The following PPAT variants were observed in gnomAD, a reference collection of about 807,000 sequenced individuals.
The protein encoded by PPAT is amidophosphoribosyltransferase.
A neutral mutation model predicts 60.2 loss-of-function variants in PPAT; 20 were observed. That is an observed-to-expected ratio of 0.33 (90% CI 0.23 to 0.48). The LOEUF (loss-of-function observed/expected upper bound fraction) is 0.48, where lower values mean the gene tolerates loss of function less well. Ranked by LOEUF, PPAT falls within the 20% of genes least tolerant of loss-of-function variation. The pLI is 0.99. For synonymous variants in PPAT, 194 were observed against 215.1 expected, an observed-to-expected ratio of 0.90 and a Z score of 0.86; for missense variants, 349 against 629.6, an observed-to-expected ratio of 0.55 and a Z score of 4.77.
At chr4:56,425,127 A>G (rs1229789236) in intron 1 of PPAT, among the ~76,000 whole-genome samples, 1 of 152,208 alleles carries the variant, frequency 6.6e-6, no homozygotes, top group Non-Finnish European at 1.5e-5. Flanking sequence ...AGCAGGGGGC[A>G]TTAAGGAATC....
intron 3 of PPAT, among the ~76,000 whole-genome samples, chr4:56,405,913 T>C (rs1181600839): frequency 3.3e-5 from 5 of 152,218 alleles, no homozygotes; most frequent in African/African-American, 2.4e-5. Context: ...GGCCTGGACT[T>C]GCAACTGGCA....
chr4:56,434,994 G>A (rs944261968), intron 1 of PPAT, among the ~76,000 whole-genome samples: 2 of 152,182 alleles, frequency 1.3e-5, no homozygotes, highest in Non-Finnish European at 1.5e-5. Context: ...CAGGCTCCGG[G>A]AGACTAGAAC....
Position 56,396,828 on chromosome 4 carries a change from T to TG in PPAT, c.1237-90_1237-89insC. ...TACAATACAAAATTGTTTTGCAGAA[T>TG]ATTCAGTAACAACATATGGGTAATA... On this transcript the variant is annotated intron_variant, in intron 9 of 10. Coordinates refer to ENST00000264220, the MANE Select transcript of PPAT (RefSeq NM_002703.5). This position sits in a 1 kb window ranked among gnomAD's most constrained non-coding sequence, Gnocchi z 4.6. The TG allele has an allele frequency of 7.4e-7, 1 of 1,346,342 alleles. No homozygotes were observed. Among genetic ancestry groups the TG allele is most frequent in the Non-Finnish European group, 1.0e-6 (1 of 990,796 alleles). 83.4% of individuals were successfully genotyped at this position (1,346,342 alleles called of 1,614,324 possible). A position where few individuals can be genotyped will look rare whatever the true frequency, so the allele number is the denominator to read the frequency against.
chr4:56,404,119 C>T (rs1375387134), intron 3 of PPAT: 1 of 369,792 alleles, frequency 2.7e-6, no homozygotes, highest in East Asian at 7.6e-5. Flanking sequence ...AATAGGAAAT[C>T]TAGAAGATTT....
intron 1 of PPAT, among the ~76,000 whole-genome samples, chr4:56,410,311 A>G (rs187003864): frequency 6.6e-6 from 1 of 152,348 alleles, no homozygotes; most frequent in African/African-American, 2.4e-5. Flanking sequence ...CTGAAATGAT[A>G]TAGTTAAGAA....
At chr4:56,398,654 C>T (rs534958185) in intron 9 of PPAT, among the ~76,000 whole-genome samples, 1 of 151,764 alleles carries the variant, frequency 6.6e-6, no homozygotes, top group Non-Finnish European at 1.5e-5. Flanking sequence ...TTCACTATGT[C>T]GTCCAGGCTG....
At chr4:56,433,933 G>T (rs979389148) in intron 1 of PPAT, among the ~76,000 whole-genome samples, 2 of 152,050 alleles carry the variant, frequency 1.3e-5, no homozygotes, top group African/African-American at 4.8e-5. Flanking sequence ...CTCGTGATCC[G>T]CCCGCCTCGG....
At chr4:56,428,945 T>C (rs1717433853) in intron 1 of PPAT, 3 of 954,472 alleles carry the variant, frequency 3.1e-6, no homozygotes, top group Non-Finnish European at 2.5e-6. Context: ...TTAAGAATTA[T>C]TTGAAGGTCA....
At position 56,396,744 on chromosome 4, in the gene PPAT, G is replaced by C. The variant is rs1406269457; in HGVS notation, c.1237-5C>G. 5.6e-6 allele frequency: 9 copies of C among 1,605,634 alleles called. No individual in the cohort carries two copies. Among genetic ancestry groups the C allele is most frequent in the African/African-American group, 1.3e-5 (1 of 74,392 alleles). ...TGAAGCTACTCGAATGTGTACCTTG[G>C]AAAGAAATCATTGCACACAAGGTTT... is the stretch of plus-strand genomic sequence containing the variant. On this transcript the variant is annotated splice_polypyrimidine_tract_variant and splice_region_variant and intron_variant, in intron 9 of 10. Transcript: ENST00000264220. This position sits in a 1 kb window ranked among gnomAD's most constrained non-coding sequence, Gnocchi z 4.6.
intron 1 of PPAT, among the ~76,000 whole-genome samples, chr4:56,430,529 T>C (rs1322950885): frequency 6.6e-6 from 1 of 152,164 alleles, no homozygotes; most frequent in Non-Finnish European, 1.5e-5. Flanking sequence ...TTCCTATTTG[T>C]TGAGCTTCTG....
In PPAT at chr4:56,406,653, AT is replaced by A; in HGVS notation, c.243del (p.Lys81AsnfsTer22). 6.2e-7 allele frequency: 1 copy of A among 1,613,040 alleles called. No individual in the cohort carries two copies. Among genetic ancestry groups the A allele is most frequent in the Non-Finnish European group, 8.5e-7 (1 of 1,179,110 alleles). On this transcript the variant is annotated frameshift_variant, in exon 3 of 11. Coordinates refer to ENST00000264220, the MANE Select transcript of PPAT (RefSeq NM_002703.5). LOFTEE classifies it high-confidence loss of function. The part of the protein sequence containing the change: ...NHVFTEDNLK[K>X]LYVSNLGIGH... ...CCAATTCCAAGATTTGAAACATATA[AT>A]TTTTTCAAATTGTCTTCAGTAAAGA...
intron 3 of PPAT, chr4:56,404,073 T>C (rs1350677155): frequency 2.3e-6 from 1 of 440,774 alleles, no homozygotes; most frequent in African/African-American, 2.0e-5. Context: ...GCTAATAGTA[T>C]GTATATACTA....
intron 1 of PPAT, among the ~76,000 whole-genome samples, chr4:56,425,631 C>G (rs954271749): frequency 6.6e-6 from 1 of 152,170 alleles, no homozygotes; most frequent in Non-Finnish European, 1.5e-5. Flanking sequence ...TTGGAACTTC[C>G]AGAGACAGAG....
chr4:56,428,462 C>A (rs1430441886), intron 1 of PPAT, among the ~76,000 whole-genome samples: 1 of 151,966 alleles, frequency 6.6e-6, no homozygotes, highest in Admixed American at 6.6e-5. Context: ...AGACCGGAAA[C>A]AATGTCATAC....
intron 1 of PPAT, among the ~76,000 whole-genome samples, chr4:56,415,927 G>A (rs1716706410): frequency 6.6e-6 from 1 of 152,024 alleles, no homozygotes; most frequent in Non-Finnish European, 1.5e-5. Context: ...AAAATTAGCC[G>A]GGCGTGGTGG....
Position 56,396,847 on chromosome 4 carries a change from G to T in PPAT, c.1237-108C>A. ...GCAGAATATTCAGTAACAACATATG[G>T]GTAATAAATTATTCTTTCTACAAAG... On this transcript the variant is annotated intron_variant, in intron 9 of 10. Coordinates refer to ENST00000264220, the MANE Select transcript of PPAT (RefSeq NM_002703.5). The surrounding 1 kb of genome is among the most constrained non-coding windows in gnomAD (Gnocchi z 4.6). The T allele has an allele frequency of 3.7e-6, 4 of 1,071,286 alleles. No individual in the cohort carries two copies. The highest frequency in any genetic ancestry group is 4.2e-5 in the South Asian group (2 of 47,582). 66.4% of individuals were successfully genotyped at this position (1,071,286 alleles called of 1,614,324 possible). A position where few individuals can be genotyped will look rare whatever the true frequency, so the allele number is the denominator to read the frequency against.
intron 1 of PPAT, chr4:56,420,763 T>C (rs796293696): frequency 3.9e-5 from 6 of 152,330 alleles, no homozygotes; most frequent in African/African-American, 1.4e-4. Flanking sequence ...GAGACTTTCT[T>C]AGAAGTAGTA....
At chr4:56,417,597 A>G (rs1716825063) in intron 1 of PPAT, among the ~76,000 whole-genome samples, 1 of 152,156 alleles carries the variant, frequency 6.6e-6, no homozygotes, top group South Asian at 2.1e-4. Flanking sequence ...CCTGGGCAAC[A>G]CAGTGAGACC....
chr4:56,406,775 C>A, intron 2 of PPAT, 74 bp from the exon 3 acceptor site: 1 of 999,456 alleles, frequency 1.0e-6, no homozygotes, highest in Non-Finnish European at 1.5e-6. Flanking sequence ...CTCTTCTCTG[C>A]CCAGCCAATC....
Sources: allele counts gnomAD v4.1 joint callset (sites outside exome capture counted in the v4.1 genomes callset), GRCh38; gene constraint gnomAD v4.1.1; non-coding constraint Gnocchi (gnomAD v3.1); transcripts MANE v1.5; gene names NCBI Gene and HGNC (gene_info 2026-07-23, HGNC 2026-07-21).